Variants in PDE4B observed in about 807,000 individuals in gnomAD.
PDE4B encodes the protein phosphodiesterase 4B, also known as 3',5'-cyclic-AMP phosphodiesterase 4B.
In PDE4B, 20 loss-of-function variants were observed where a neutral mutation model predicts 82.2. The observed-to-expected ratio is 0.24, with a 90% CI of 0.17 to 0.35. PDE4B has a LOEUF of 0.35. PDE4B is among the 10% of genes least tolerant of loss of function. The probability of loss-of-function intolerance (pLI) is 1.00; values close to 1 mark genes in which losing one functional copy is unlikely to be tolerated. For synonymous variants in PDE4B, 320 were observed against 318.9 expected, an observed-to-expected ratio of 1.00 and a Z score of -0.04; for missense variants, 655 against 907.2, an observed-to-expected ratio of 0.72 and a Z score of 3.57.
rs565851221 is a variant in PDE4B, at chr1:66,231,478, G to A, written c.282-15982G>A. Among the ~76,000 whole-genome samples, 3 of 152,322 alleles carry A rather than the reference G, an allele frequency of 2.0e-5. No individual in the cohort carries two copies. The East Asian group carries it at 5.8e-4, about 29-fold the overall frequency. On this transcript the variant is annotated intron_variant, in intron 3 of 16. Coordinates refer to ENST00000341517, the MANE Select transcript of PDE4B (RefSeq NM_002600.4). Reference sequence around the variant, plus strand: ...TGTGAAAAGATGAAGTGAGGAAATGGAGTTATTGACAGAGCTGAGAAGTAT... The same window carrying A: ...TGTGAAAAGATGAAGTGAGGAAATGAAGTTATTGACAGAGCTGAGAAGTAT...
At chr1:65,881,495 A>G (rs1384797492) in intron 1 of PDE4B, among the ~76,000 whole-genome samples, 1 of 152,070 alleles carries the variant, frequency 6.6e-6, no homozygotes, top group Non-Finnish European at 1.5e-5. Context: ...ACTCCCTAAT[A>G]ATTTTCTGGA....
At chr1:66,065,186 A>G (rs1217333732) in intron 3 of PDE4B, among the ~76,000 whole-genome samples, 1 of 151,934 alleles carries the variant, frequency 6.6e-6, no homozygotes, top group East Asian at 1.9e-4. Context: ...ATGAAATTGG[A>G]ATTAAAGATT....
chr1:66,101,381 G>A (rs1645220696), intron 3 of PDE4B, among the ~76,000 whole-genome samples: 1 of 152,114 alleles, frequency 6.6e-6, no homozygotes, highest in South Asian at 2.1e-4. Context: ...GGTATTTCTA[G>A]TTCTAGATCC....
chr1:66,018,324 G>A (rs541497401), intron 3 of PDE4B, among the ~76,000 whole-genome samples: 1 of 152,260 alleles, frequency 6.6e-6, no homozygotes, highest in Admixed American at 6.5e-5. Context: ...GGAGGCTGAG[G>A]TAGGAGAACG....
At chr1:66,222,644 A>C (rs1256388838) in intron 3 of PDE4B, among the ~76,000 whole-genome samples, 2 of 152,242 alleles carry the variant, frequency 1.3e-5, no homozygotes, top group Non-Finnish European at 2.9e-5. Context: ...CATCTTGAGC[A>C]AATTATTCAA....
chr1:66,188,140 T>C lies in PDE4B; in HGVS notation c.282-59320T>C, dbSNP rs1391133501. 2.3e-3 allele frequency among the ~76,000 whole-genome samples: 354 copies of C among 150,816 alleles called. 3 individuals are homozygous for C. The highest frequency in any genetic ancestry group is 7.6e-3 in the African/African-American group (310 of 40,982). ...GTTGTTCAGTTTCCATGTAGTTGAG[T>C]AGTTTTGAGTGAGTTTCTTAATCCT... On this transcript the variant is annotated intron_variant, in intron 3 of 16. Transcript: ENST00000341517.
chr1:65,951,453 T>C (rs1453942647), intron 3 of PDE4B, among the ~76,000 whole-genome samples: 1 of 152,106 alleles, frequency 6.6e-6, no homozygotes, highest in Non-Finnish European at 1.5e-5. Context: ...ATTCTTTTTG[T>C]TTGTTTTTGA....
chr1:66,311,377 A>G (rs1436148851), intron 7 of PDE4B, among the ~76,000 whole-genome samples: 1 of 152,270 alleles, frequency 6.6e-6, no homozygotes, highest in Admixed American at 6.5e-5. Context: ...TATACAAATC[A>G]TCATTGCTAT....
At chr1:66,296,193 C>CT (rs1423946710) in intron 7 of PDE4B, among the ~76,000 whole-genome samples, 1 of 152,116 alleles carries the variant, frequency 6.6e-6, no homozygotes, top group African/African-American at 2.4e-5. Flanking sequence ...TCCCACTAGA[C>CT]TTATTGGTGG....
At position 66,145,693 on chromosome 1, in the gene PDE4B, G is replaced by A. The variant is rs144220041; in HGVS notation, c.282-101767G>A. Among the ~76,000 whole-genome samples the A allele has an allele frequency of 1.6e-4, 25 of 152,294 alleles. 1 individual carries two copies. In the East Asian group the frequency reaches 4.8e-3, roughly 29 times the overall value. On this transcript the variant is annotated intron_variant, in intron 3 of 16. Transcript: ENST00000341517. Reference sequence around the variant, plus strand: ...TCCTGTGGTCTTCAGATGATGGGAAGTGATTTCCGCAAAAGCTTTTATGCC... The same window carrying A: ...TCCTGTGGTCTTCAGATGATGGGAAATGATTTCCGCAAAAGCTTTTATGCC...
intron 3 of PDE4B, among the ~76,000 whole-genome samples, chr1:66,000,316 A>G (rs1292376704): frequency 1.3e-5 from 2 of 152,298 alleles, no homozygotes; most frequent in East Asian, 1.9e-4. Context: ...TTAATTATCT[A>G]TATTTTTCCA....
chr1:66,365,812 A>G (rs1557732176), intron 13 of PDE4B, 46 bp downstream of exon 13: 1 of 1,100,228 alleles, frequency 9.1e-7, no homozygotes, highest in Non-Finnish European at 1.3e-6. Context: ...TGTATGATTC[A>G]CTGCTTAATT....
chr1:66,090,341 A>C (rs1167953218), intron 3 of PDE4B, among the ~76,000 whole-genome samples: 2 of 151,894 alleles, frequency 1.3e-5, no homozygotes, highest in African/African-American at 2.4e-5. Context: ...GATTCTAAAT[A>C]GGTTTAGATA....
At chr1:66,253,941 T>C (rs1653989033) in intron 4 of PDE4B, among the ~76,000 whole-genome samples, 1 of 152,254 alleles carries the variant, frequency 6.6e-6, no homozygotes, top group South Asian at 2.1e-4. Context: ...ATGTTGACAT[T>C]ATGCCCTATT....
intron 3 of PDE4B, among the ~76,000 whole-genome samples, chr1:65,986,811 C>T (rs12749570): frequency 0.28 from 42,967 of 151,826 alleles, 6,255 homozygotes; most frequent in East Asian, 0.45. Context: ...TAATATTATA[C>T]GCTGACAAGT....
At chr1:66,230,355 A>G (rs1651852304) in intron 3 of PDE4B, among the ~76,000 whole-genome samples, 1 of 152,214 alleles carries the variant, frequency 6.6e-6, no homozygotes, top group East Asian at 1.9e-4. Context: ...AAATCATACC[A>G]TTAGGATTTT....
chr1:65,809,830 G>T (rs889771275), intron 1 of PDE4B, among the ~76,000 whole-genome samples: 4 of 152,210 alleles, frequency 2.6e-5, no homozygotes, highest in Non-Finnish European at 4.4e-5. Flanking sequence ...TTCAGAGATG[G>T]TCATAAAAGC....
At chr1:66,083,096 A>G (rs941661476) in intron 3 of PDE4B, among the ~76,000 whole-genome samples, 2 of 152,054 alleles carry the variant, frequency 1.3e-5, no homozygotes, top group African/African-American at 4.8e-5. Context: ...CTTTGTGCCT[A>G]TTACCACAAC....
intron 7 of PDE4B, among the ~76,000 whole-genome samples, chr1:66,322,083 A>G (rs1659443672): frequency 6.6e-6 from 1 of 152,212 alleles, no homozygotes; most frequent in African/African-American, 2.4e-5. Flanking sequence ...ATGATTCCCT[A>G]TTTAATAAAC....
Sources: allele counts gnomAD v4.1 joint callset (sites outside exome capture counted in the v4.1 genomes callset), GRCh38; gene constraint gnomAD v4.1.1; transcripts MANE v1.5; gene names NCBI Gene and HGNC (gene_info 2026-07-23, HGNC 2026-07-21).